Variants in NUP93 observed in about 807,000 individuals in gnomAD.
NUP93 encodes nuclear pore complex protein Nup93.
In NUP93, 55 loss-of-function variants were observed where a neutral mutation model predicts 107.8. The ratio of observed to expected loss-of-function variants is 0.51; its 90% CI spans 0.41 to 0.64. The LOEUF is 0.64. NUP93 is among the 30% of genes least tolerant of loss of function. The pLI is 0.00. For synonymous variants in NUP93, 390 were observed against 397.5 expected (o/e 0.98, Z 0.22); for missense variants, 937 against 1,044.7 (o/e 0.90, Z 1.42).
chr16:56,828,875 C>A, intron 8 of NUP93, 102 bp from the exon 9 acceptor site: 2 of 1,214,364 alleles, frequency 1.6e-6, no homozygotes, highest in Non-Finnish European at 2.3e-6. Flanking sequence ...GAAGTCTAGG[C>A]CCTGCCCTTC....
rs1351843162 is a variant in NUP93 at position 56,831,978 on chromosome 16, G to A, written c.1222G>A (p.Asp408Asn). The A allele has an allele frequency of 6.2e-7, 1 of 1,613,992 alleles. No individual in the cohort carries two copies. Among genetic ancestry groups the A allele is most frequent in the African/African-American group, 1.3e-5 (1 of 74,904 alleles). Reference sequence around the variant, plus strand: ...CACCGACAACCAGAGTGAAGTGGCGGACAAAACTGAGGATTACCTGTGGCT... The same window carrying A: ...CACCGACAACCAGAGTGAAGTGGCGAACAAAACTGAGGATTACCTGTGGCT... ...DVTDNQSEVADKTEDYLWLKL... is the reference protein window; with the variant it reads ...DVTDNQSEVANKTEDYLWLKL... Residue 408 changes from aspartate to asparagine, a missense_variant, in exon 11 of 22, where the codon GAC becomes AAC. Physicochemically the swap from Asp to Asn is conservative, Grantham distance 23. Transcript: ENST00000308159.
intron 3 of NUP93, among the ~76,000 whole-genome samples, chr16:56,760,475 T>C (rs1962103617): frequency 6.6e-6 from 1 of 152,172 alleles, no homozygotes; most frequent in African/African-American, 2.4e-5. Context: ...AAAACCAGCA[T>C]CTGCTTCTGG....
At chr16:56,775,869 A>G (rs112362475) in intron 3 of NUP93, among the ~76,000 whole-genome samples, 1 of 152,278 alleles carries the variant, frequency 6.6e-6, no homozygotes, top group South Asian at 2.1e-4. Flanking sequence ...AGTAGGGGTA[A>G]AGAAAGGCAG....
rs753268697 is a variant in NUP93 at position 56,850,253 on chromosome 16, C to T, written c.*5644C>T. The T allele has an allele frequency of 3.9e-5, 6 of 152,382 alleles. No homozygotes were observed. The highest frequency in any genetic ancestry group is 2.1e-4 in the South Asian group (1 of 4,828). The allele number at this position is 152,382 out of a possible 1,614,324, so 9.4% of individuals were successfully genotyped here. A position where few individuals can be genotyped will look rare whatever the true frequency, so the allele number is the denominator to read the frequency against. ...TTTAGGATGGTTCCTTCACCACTAT[C>T]CCTGTCTGTAGCCAGTAAATTTCTG... On this transcript the variant is annotated 3_prime_UTR_variant, in exon 22 of 22. Coordinates refer to ENST00000308159, the MANE Select transcript of NUP93 (RefSeq NM_014669.5).
At chr16:56,832,934 C>T (rs1237841950) in intron 12 of NUP93, among the ~76,000 whole-genome samples, 3 of 152,212 alleles carry the variant, frequency 2.0e-5, no homozygotes, top group Non-Finnish European at 4.4e-5. Context: ...AGGTCCTTAG[C>T]TCTGTTTCTC....
intron 3 of NUP93, among the ~76,000 whole-genome samples, chr16:56,786,871 G>A (rs1485061679): frequency 1.3e-5 from 2 of 152,200 alleles, no homozygotes; most frequent in Non-Finnish European, 2.9e-5. Context: ...TAGGTGAAAG[G>A]TTTTAGCTCG....
intron 3 of NUP93, among the ~76,000 whole-genome samples, chr16:56,764,858 T>A (rs1191545463): frequency 6.6e-6 from 1 of 152,236 alleles, no homozygotes; most frequent in Non-Finnish European, 1.5e-5. Flanking sequence ...GTAAACAGTA[T>A]CTTAATTCTA....
At chr16:56,806,782 C>T (rs1280784775) in intron 5 of NUP93, among the ~76,000 whole-genome samples, 1 of 152,060 alleles carries the variant, frequency 6.6e-6, no homozygotes, top group Non-Finnish European at 1.5e-5. Flanking sequence ...AGTAGTATCC[C>T]ACCTCTGTTG....
rs1962947199 is a variant in NUP93, at chr16:56,798,479, T to G, written c.301T>G (p.Phe101Val). The G allele has an allele frequency of 6.2e-7, 1 of 1,613,894 alleles. No homozygotes were observed. The highest frequency in any genetic ancestry group is 1.7e-5 in the Admixed American group (1 of 59,998). Reference protein sequence around the residue: ...EPVKDTDIQGFLKNEKDNALL... With the variant: ...EPVKDTDIQGVLKNEKDNALL... ...GTTAATTTTCCCCCATTTATAGGGC[T>G]TCCTGAAGAATGAGAAGGACAATGC... The change falls in exon 4 of 22, where the codon TTC becomes GTC. Residue 101 changes from phenylalanine (F) to valine (V), a missense_variant. Physicochemically the swap from Phe to Val is conservative, Grantham distance 50 (BLOSUM62 -1). Coordinates refer to ENST00000308159, the MANE Select transcript of NUP93 (RefSeq NM_014669.5).
At chr16:56,828,194 T>A (rs1355463002) in intron 8 of NUP93, among the ~76,000 whole-genome samples, 9 of 113,410 alleles carry the variant, frequency 7.9e-5, no homozygotes, top group South Asian at 3.0e-4. Flanking sequence ...CCCTGCCTCT[T>A]AAAAAAAAAA....
intron 4 of NUP93, among the ~76,000 whole-genome samples, chr16:56,801,462 G>C (rs1370826934): frequency 2.0e-5 from 3 of 152,176 alleles, no homozygotes; most frequent in Non-Finnish European, 4.4e-5. Flanking sequence ...ACCCAGGCTG[G>C]AGTGTAATGG....
chr16:56,774,221 A>G (rs1355695065), intron 3 of NUP93, among the ~76,000 whole-genome samples: 2 of 152,196 alleles, frequency 1.3e-5, no homozygotes, highest in African/African-American at 4.8e-5. Context: ...GCAAATGTTA[A>G]TAATTCATGG....
At chr16:56,831,087 G>C (rs752461582) in intron 10 of NUP93, among the ~76,000 whole-genome samples, 1 of 152,138 alleles carries the variant, frequency 6.6e-6, no homozygotes, top group Non-Finnish European at 1.5e-5. Flanking sequence ...CACGTACTTC[G>C]TAGCTTAAAG....
At chr16:56,829,882 A>C (rs1011409177) in intron 9 of NUP93, among the ~76,000 whole-genome samples, 16 of 152,238 alleles carry the variant, frequency 1.1e-4, no homozygotes, top group African/African-American at 3.9e-4. Flanking sequence ...TGGAAGTGCC[A>C]AGATAGGAGG....
chr16:56,786,933 T>C (rs555018418), intron 3 of NUP93, among the ~76,000 whole-genome samples: 73 of 152,358 alleles, frequency 4.8e-4, no homozygotes, highest in African/African-American at 1.7e-3. Flanking sequence ...CATCTCTCTT[T>C]CTGTTGCCTG....
At chr16:56,822,564 C>CTTTTT (rs56395453) in intron 7 of NUP93, among the ~76,000 whole-genome samples, 1 of 126,958 alleles carries the variant, frequency 7.9e-6, no homozygotes, top group Non-Finnish European at 1.6e-5. Context: ...CTTTTCTTTT[C>CTTTTT]TTTTTTTTTT....
chr16:56,832,587 T>A, intron 12 of NUP93, among the ~76,000 whole-genome samples, 199 bp downstream of exon 12: 1 of 152,218 alleles, frequency 6.6e-6, no homozygotes, highest in Non-Finnish European at 1.5e-5. Context: ...TACATAAAAC[T>A]TATATGGTCA....
intron 8 of NUP93, among the ~76,000 whole-genome samples, chr16:56,824,244 C>T (rs1963611223): frequency 6.6e-6 from 1 of 152,120 alleles, no homozygotes; most frequent in Non-Finnish European, 1.5e-5. Context: ...ACCTTCAAAC[C>T]CTAGGAAAAC....
intron 5 of NUP93, among the ~76,000 whole-genome samples, chr16:56,815,917 G>GTGCTGCTGCTGCTGGTGC (rs1362561971): frequency 7.7e-6 from 1 of 129,302 alleles, no homozygotes; most frequent in East Asian, 2.3e-4. Flanking sequence ...GCTGCTGCTG[G>GTGCTGCTGCTGCTGGTGC]TGCTGCTGCT....
Sources: allele counts gnomAD v4.1 joint callset (sites outside exome capture counted in the v4.1 genomes callset), GRCh38; gene constraint gnomAD v4.1.1; transcripts MANE v1.5; gene names NCBI Gene and HGNC (gene_info 2026-07-23, HGNC 2026-07-21).